FUT9: variants seen among roughly 807,000 people sequenced by gnomAD.
FUT9 encodes 4-galactosyl-N-acetylglucosaminide 3-alpha-L-fucosyltransferase 9.
Under a neutral mutation model 29.7 loss-of-function variants are expected in FUT9, and 15 were observed. That is an observed-to-expected ratio of 0.51 (90% CI 0.34 to 0.78). The LOEUF (loss-of-function observed/expected upper bound fraction) is 0.78, where lower values mean the gene tolerates loss of function less well. Among genes scored for constraint, FUT9 ranks in the 30% least tolerant of loss-of-function variants. The pLI, the probability that FUT9 is intolerant of heterozygous loss-of-function variation, is 0.01. For missense variants in FUT9, 319 were observed against 425.4 expected (o/e 0.75, Z 2.20); for synonymous variants, 169 against 153.7 (o/e 1.10, Z -0.74).
intron 2 of FUT9, among the ~76,000 whole-genome samples, chr6:96,172,654 GAA>G (rs5878421): frequency 2.0e-5 from 3 of 149,544 alleles, no homozygotes; most frequent in Admixed American, 1.3e-4. Context: ...GCCCGTTATT[GAA>G]AAAAAAAACT....
rs1463194444 is a variant in FUT9, at chr6:96,211,613, T to C, written c.*7378T>C. On this transcript the variant is annotated 3_prime_UTR_variant, in exon 3 of 3. Transcript: ENST00000302103. ...ATCTAGTGGTTCAGAAATAAAATAA[T>C]TGTTAGCCAGCCTGTGATTAAGGCT... 1 of 160,894 alleles carries C rather than the reference T, an allele frequency of 6.2e-6. No homozygotes were observed. The highest frequency in any genetic ancestry group is 1.5e-5 in the Non-Finnish European group (1 of 64,640). The allele number at this position is 160,894 out of a possible 1,614,324, so 10.0% of individuals were successfully genotyped here. A position where few individuals can be genotyped will look rare whatever the true frequency, so the allele number is the denominator to read the frequency against.
intron 2 of FUT9, among the ~76,000 whole-genome samples, chr6:96,182,779 A>T (rs930849179): frequency 1.3e-5 from 2 of 151,958 alleles, no homozygotes; most frequent in African/African-American, 4.8e-5. Context: ...TGGGTTCTCT[A>T]TTCTGTTCCC....
intron 2 of FUT9, among the ~76,000 whole-genome samples, chr6:96,128,941 A>C (rs1028283305): frequency 2.0e-5 from 3 of 151,940 alleles, no homozygotes; most frequent in African/African-American, 7.3e-5. Flanking sequence ...CCTGCGCAAC[A>C]TGGTGAAACA....
At chr6:96,184,663 T>C (rs1252323477) in intron 2 of FUT9, among the ~76,000 whole-genome samples, 1 of 152,114 alleles carries the variant, frequency 6.6e-6, no homozygotes, top group Non-Finnish European at 1.5e-5. Context: ...ACTATTGTCG[T>C]TCAGTTCAAA....
At chr6:96,052,961 T>C (rs1156811026) in intron 1 of FUT9, among the ~76,000 whole-genome samples, 1 of 151,646 alleles carries the variant, frequency 6.6e-6, no homozygotes, top group Non-Finnish European at 1.5e-5. Context: ...TTCACCTTAC[T>C]GTTTTTTTTT....
rs1387463159 is a variant in FUT9, at chr6:96,211,724, A to C, written c.*7489A>C. 5.7e-6 allele frequency: 1 copy of C among 175,542 alleles called. No individual in the cohort carries two copies. The highest frequency in any genetic ancestry group is 1.4e-5 in the Non-Finnish European group (1 of 73,974). The allele number at this position is 175,542 out of a possible 1,614,324, so 10.9% of individuals were successfully genotyped here. A position where few individuals can be genotyped will look rare whatever the true frequency, so the allele number is the denominator to read the frequency against. ...TTTAAAGCTGTACTATGTTAGAATA[A>C]AAAAGTAGGCTCAAGGAAAATTTCT... On this transcript the variant is annotated 3_prime_UTR_variant, in exon 3 of 3. Transcript: ENST00000302103.
intron 1 of FUT9, among the ~76,000 whole-genome samples, chr6:96,075,102 A>G (rs1463097948): frequency 2.0e-5 from 3 of 152,106 alleles, no homozygotes; most frequent in Non-Finnish European, 2.9e-5. Flanking sequence ...GTTTTTAGGC[A>G]ATACACCTAT....
chr6:96,084,818 A>AG (rs1771289586), intron 1 of FUT9, among the ~76,000 whole-genome samples: 1 of 152,072 alleles, frequency 6.6e-6, no homozygotes, highest in Non-Finnish European at 1.5e-5. Flanking sequence ...TTCACTCTCC[A>AG]CAGACATTTA....
intron 2 of FUT9, among the ~76,000 whole-genome samples, chr6:96,190,034 G>A (rs976147962): frequency 6.6e-6 from 1 of 152,176 alleles, no homozygotes; most frequent in Non-Finnish European, 1.5e-5. Flanking sequence ...TGTTTTTGCA[G>A]TGGTTGGTAC....
intron 2 of FUT9, among the ~76,000 whole-genome samples, chr6:96,174,688 A>T (rs1414200344): frequency 1.3e-5 from 2 of 152,188 alleles, no homozygotes; most frequent in Non-Finnish European, 2.9e-5. Flanking sequence ...TTTATTTGGA[A>T]CCAGGAAAAG....
At chr6:96,031,652 T>C (rs892757724) in intron 1 of FUT9, among the ~76,000 whole-genome samples, 3 of 151,538 alleles carry the variant, frequency 2.0e-5, no homozygotes, top group Admixed American at 6.6e-5. Context: ...TAAGGAAGTA[T>C]ACCTTTGACC....
At chr6:96,191,174 T>C (rs1773501163) in intron 2 of FUT9, among the ~76,000 whole-genome samples, 2 of 152,000 alleles carry the variant, frequency 1.3e-5, no homozygotes, top group African/African-American at 4.8e-5. Context: ...CTCTAGACCC[T>C]TTTTGCCTGG....
At chr6:96,128,916 G>C (rs759024066) in intron 2 of FUT9, among the ~76,000 whole-genome samples, 1 of 151,908 alleles carries the variant, frequency 6.6e-6, no homozygotes, top group Non-Finnish European at 1.5e-5. Context: ...CTTGAGCCCA[G>C]GAGTTCAAGA....
chr6:96,179,368 T>C (rs949739504), intron 2 of FUT9, among the ~76,000 whole-genome samples: 1 of 152,102 alleles, frequency 6.6e-6, no homozygotes, highest in African/African-American at 2.4e-5. Flanking sequence ...TATGGTTTAA[T>C]AGGGGAGAAA....
chr6:96,033,531 A>G (rs1770299814), intron 1 of FUT9, among the ~76,000 whole-genome samples: 1 of 151,656 alleles, frequency 6.6e-6, no homozygotes, highest in Non-Finnish European at 1.5e-5. Flanking sequence ...AATTAATTAT[A>G]TAGGCTGAAA....
At chr6:96,139,466 C>T (rs139596390) in intron 2 of FUT9, among the ~76,000 whole-genome samples, 3,045 of 152,236 alleles carry the variant, frequency 0.02, 41 homozygotes, top group Non-Finnish European at 0.028. Flanking sequence ...GTCTGGAGGA[C>T]GGTGGCCTCC....
At chr6:96,131,432 A>G (rs543259322) in intron 2 of FUT9, among the ~76,000 whole-genome samples, 30 of 152,072 alleles carry the variant, frequency 2.0e-4, no homozygotes, top group Non-Finnish European at 4.3e-4. Flanking sequence ...TAGTGTTGTC[A>G]TACTCCTCCA....
chr6:96,089,176 A>G (rs567971415), intron 1 of FUT9, among the ~76,000 whole-genome samples: 8 of 152,302 alleles, frequency 5.3e-5, no homozygotes, highest in African/African-American at 1.9e-4. Flanking sequence ...GTTTTGTTTC[A>G]TCATGGTTAG....
chr6:96,147,831 C>A (rs533765155), intron 2 of FUT9, among the ~76,000 whole-genome samples: 12 of 149,956 alleles, frequency 8.0e-5, no homozygotes, highest in Non-Finnish European at 1.5e-4. Context: ...TGCAGGAGTT[C>A]TTTGAATATA....
Sources: allele counts gnomAD v4.1 joint callset (sites outside exome capture counted in the v4.1 genomes callset), GRCh38; gene constraint gnomAD v4.1.1; transcripts MANE v1.5; gene names NCBI Gene and HGNC (gene_info 2026-07-23, HGNC 2026-07-21).